The following PARP8 variants were observed in gnomAD, a reference collection of about 807,000 sequenced individuals.
PARP8 encodes the protein protein mono-ADP-ribosyltransferase PARP8.
In PARP8, 51 loss-of-function variants were observed where a neutral mutation model predicts 124.1. The ratio of observed to expected loss-of-function variants is 0.41; its 90% confidence interval spans 0.33 to 0.52. The LOEUF (loss-of-function observed/expected upper bound fraction) is 0.52, where lower values mean the gene tolerates loss of function less well. Ranked by LOEUF, PARP8 falls within the 20% of genes least tolerant of loss-of-function variation. The probability of loss-of-function intolerance (pLI) is 0.21; values close to 1 mark genes in which losing one functional copy is unlikely to be tolerated. For missense variants in PARP8, 860 were observed against 1,018.9 expected (o/e 0.84, Z 2.12); for synonymous variants, 391 against 361.5 (o/e 1.08, Z -0.93).
intron 2 of PARP8, among the ~76,000 whole-genome samples, chr5:50,720,157 G>A (rs1402214432): frequency 6.6e-6 from 1 of 151,934 alleles, no homozygotes; most frequent in Non-Finnish European, 1.5e-5. Flanking sequence ...TTATATTGTT[G>A]TTTGCATTGC....
intron 2 of PARP8, among the ~76,000 whole-genome samples, chr5:50,735,987 C>G (rs1382673595): frequency 8.4e-6 from 1 of 119,380 alleles, no homozygotes; most frequent in Non-Finnish European, 1.7e-5. Context: ...TGAATGTATT[C>G]TCATTTGAAG....
In PARP8 at chr5:50,733,982, G is replaced by A. The variant is rs200740690; in HGVS notation, c.147-16169G>A. On this transcript the variant is annotated intron_variant, in intron 2 of 25. Transcript: ENST00000281631. Reference sequence around the variant, plus strand: ...AGCATTTCCTTATTTTCTTCATACCGTGAACAGTAACTGATAACTTTACTA... The same window carrying A: ...AGCATTTCCTTATTTTCTTCATACCATGAACAGTAACTGATAACTTTACTA... 2.4e-4 allele frequency among the ~76,000 whole-genome samples: 37 copies of A among 152,106 alleles called. No homozygotes were observed. The East Asian group carries it at 6.0e-3, about 25-fold the overall frequency.
intron 2 of PARP8, among the ~76,000 whole-genome samples, chr5:50,682,384 T>C (rs1180439609): frequency 1.3e-5 from 2 of 152,148 alleles, no homozygotes; most frequent in East Asian, 3.8e-4. Context: ...AAAGTAACAT[T>C]TTGCCAAGCT....
intron 16 of PARP8, 65 bp downstream of exon 16, chr5:50,821,403 T>A (rs1431164467): frequency 6.5e-7 from 1 of 1,546,854 alleles, no homozygotes; most frequent in Non-Finnish European, 8.9e-7. Context: ...ATATTGAGAT[T>A]GTAGTCTCAT....
Position 50,717,326 on chromosome 5 carries a change from A to C in PARP8, c.147-32825A>C, listed in dbSNP as rs148230460. On this transcript the variant is annotated intron_variant, in intron 2 of 25. Coordinates refer to ENST00000281631, the MANE Select transcript of PARP8 (RefSeq NM_024615.4). ...TAGTGTCTATGAGACTTACGATGGA[A>C]TGGACAGATATAGGGGGCAAAGGAA... 3.9e-4 allele frequency among the ~76,000 whole-genome samples: 60 copies of C among 152,042 alleles called. No individual in the cohort carries two copies. In the East Asian group the frequency reaches 0.011, roughly 27 times the overall value.
rs1221008693 is a variant in PARP8 at position 50,842,612 on chromosome 5, G to A, written c.*544G>A. 2.6e-5 allele frequency: 4 copies of A among 152,100 alleles called. No homozygotes were observed. Among genetic ancestry groups the A allele is most frequent in the African/African-American group, 7.3e-5 (3 of 41,368 alleles). The allele number at this position is 152,100 out of a possible 1,614,324, so 9.4% of individuals were successfully genotyped here. On this transcript the variant is annotated 3_prime_UTR_variant, in exon 26 of 26. Transcript: ENST00000281631. ...CTTAGAAGCAGTGCTTTGCCAAAAAGTATGTAATATACACATCTATACATT... is the reference window on the plus strand; with the variant it reads ...CTTAGAAGCAGTGCTTTGCCAAAAAATATGTAATATACACATCTATACATT...
chr5:50,802,147 T>C (rs1200550695), intron 14 of PARP8, among the ~76,000 whole-genome samples: 1 of 152,222 alleles, frequency 6.6e-6, no homozygotes, highest in African/African-American at 2.4e-5. Flanking sequence ...GTCTATTTTG[T>C]TCCTCTGCTT....
At chr5:50,830,816 ATGCGTG>A (rs1005411735) in intron 22 of PARP8, among the ~76,000 whole-genome samples, 1 of 117,568 alleles carries the variant, frequency 8.5e-6, no homozygotes, top group African/African-American at 4.1e-5. Flanking sequence ...TTGTGTGCTC[ATGCGTG>A]TGTGTGTGTG....
At chr5:50,821,361 C>A in intron 16 of PARP8, 23 bp downstream of exon 16, 1 of 1,612,704 alleles carries the variant, frequency 6.2e-7, no homozygotes, top group Non-Finnish European at 8.5e-7. Context: ...CATGGCACAC[C>A]AATCACAAAG....
chr5:50,758,713 G>A (rs1760224531), intron 3 of PARP8, among the ~76,000 whole-genome samples: 3 of 152,128 alleles, frequency 2.0e-5, no homozygotes, highest in Non-Finnish European at 4.4e-5. Context: ...TTGATGAAGT[G>A]TGGGTCAAAA....
chr5:50,810,880 A>G (rs889109341), intron 14 of PARP8, among the ~76,000 whole-genome samples: 2 of 152,130 alleles, frequency 1.3e-5, no homozygotes, highest in African/African-American at 4.8e-5. Flanking sequence ...TGTATGGTAT[A>G]TAAATTAATC....
chr5:50,805,091 T>C (rs1743677425), intron 14 of PARP8, among the ~76,000 whole-genome samples: 1 of 152,182 alleles, frequency 6.6e-6, no homozygotes, highest in Non-Finnish European at 1.5e-5. Flanking sequence ...TTTGCCAGTT[T>C]CTTTTAAAGA....
intron 25 of PARP8, among the ~76,000 whole-genome samples, chr5:50,838,824 A>G (rs934532457): frequency 2.0e-5 from 3 of 151,996 alleles, no homozygotes; most frequent in African/African-American, 4.8e-5. Flanking sequence ...TGTTCAGTCA[A>G]TCCAAATGAT....
At chr5:50,680,422 C>G (rs1751160022) in intron 2 of PARP8, among the ~76,000 whole-genome samples, 1 of 152,076 alleles carries the variant, frequency 6.6e-6, no homozygotes, top group Admixed American at 6.6e-5. Flanking sequence ...TGTTTACTGT[C>G]TATTTGTCTC....
intron 2 of PARP8, among the ~76,000 whole-genome samples, chr5:50,737,130 A>G (rs1217081744): frequency 1.3e-5 from 2 of 152,148 alleles, no homozygotes; most frequent in Non-Finnish European, 2.9e-5. Context: ...CCATTTTGCC[A>G]GAAAGTGGCC....
rs1579868052 is a variant in PARP8, at chr5:50,666,839, T to C, written c.-257T>C. The C allele has an allele frequency of 1.7e-5, 22 of 1,325,886 alleles. 1 individual carries two copies. The highest frequency in any genetic ancestry group is 7.9e-5 in the South Asian group (5 of 63,224). The allele number at this position is 1,325,886 out of a possible 1,614,324, so 82.1% of individuals were successfully genotyped here. A position where few individuals can be genotyped will look rare whatever the true frequency, so the allele number is the denominator to read the frequency against. On this transcript the variant is annotated 5_prime_UTR_variant, in exon 1 of 26. Transcript: ENST00000281631. ...CATCCATTGTCAGAAGGGGAGGAAA[T>C]TGGAATCCAGCAGCGGCGAGCAGCA...
At chr5:50,780,278 GCTAA>G (rs199792116) in intron 9 of PARP8, among the ~76,000 whole-genome samples, 2,369 of 152,208 alleles carry the variant, frequency 0.016, 65 homozygotes, top group African/African-American at 0.055. Flanking sequence ...CTGCCATATG[GCTAA>G]CTTTTTTCTT....
chr5:50,789,350 A>C (rs924985462), intron 10 of PARP8, among the ~76,000 whole-genome samples: 1 of 152,228 alleles, frequency 6.6e-6, no homozygotes, highest in African/African-American at 2.4e-5. Flanking sequence ...AATTACAGAC[A>C]CAAGAATTGG....
chr5:50,698,419 A>G (rs1240418805), intron 2 of PARP8, among the ~76,000 whole-genome samples: 1 of 152,174 alleles, frequency 6.6e-6, no homozygotes, highest in Non-Finnish European at 1.5e-5. Context: ...CTTAGGAATG[A>G]ATTTCTCTCC....
Sources: allele counts gnomAD v4.1 joint callset (sites outside exome capture counted in the v4.1 genomes callset), GRCh38; gene constraint gnomAD v4.1.1; transcripts MANE v1.5; gene names NCBI Gene and HGNC (gene_info 2026-07-23, HGNC 2026-07-21).